The following SDK1 variants were observed in gnomAD, a reference collection of about 807,000 sequenced individuals.
SDK1 encodes protein sidekick-1.
SDK1 carries 157 observed loss-of-function variants against 245.5 expected under a neutral mutation model. The ratio of observed to expected loss-of-function variants is 0.64; its 90% CI spans 0.56 to 0.73. The LOEUF is 0.73. SDK1 is among the 30% of genes least tolerant of loss of function. The probability of loss-of-function intolerance (pLI) is 0.00; values close to 1 mark genes in which losing one functional copy is unlikely to be tolerated. For synonymous variants in SDK1, 1,647 were observed against 1,278.5 expected (o/e 1.29, Z -6.15); for missense variants, 3,583 against 3,002.3 (o/e 1.19, Z -4.52).
chr7:3,329,255 G>C (rs919494343), intron 1 of SDK1, among the ~76,000 whole-genome samples: 1 of 152,090 alleles, frequency 6.6e-6, no homozygotes, highest in African/African-American at 2.4e-5. Context: ...ACGTCCATGA[G>C]GCACTCTTTG....
intron 5 of SDK1, among the ~76,000 whole-genome samples, chr7:3,847,052 C>T (rs568532227): frequency 4.6e-5 from 7 of 151,964 alleles, no homozygotes; most frequent in African/African-American, 9.7e-5. Context: ...AGTGTAATCA[C>T]GCTTCTTTTT....
At chr7:3,564,163 AG>A (rs71552312) in intron 1 of SDK1, among the ~76,000 whole-genome samples, 17,828 of 152,076 alleles carry the variant, frequency 0.12, 1,383 homozygotes, top group African/African-American at 0.22. Flanking sequence ...AAGAACACAA[AG>A]CAAATTTCAA....
At chr7:4,018,434 G>T (rs182431404) in intron 17 of SDK1, among the ~76,000 whole-genome samples, 1 of 152,270 alleles carries the variant, frequency 6.6e-6, no homozygotes, top group East Asian at 1.9e-4. Flanking sequence ...CCTGCACAGC[G>T]ACTAGAAGAA....
At chr7:3,674,680 A>G (rs544624963) in intron 4 of SDK1, among the ~76,000 whole-genome samples, 4 of 152,310 alleles carry the variant, frequency 2.6e-5, no homozygotes, top group African/African-American at 9.6e-5. Context: ...TTTGATAACT[A>G]TAACTGGCTC....
At chr7:3,564,820 AAG>A (rs1284182164) in intron 1 of SDK1, among the ~76,000 whole-genome samples, 1 of 152,098 alleles carries the variant, frequency 6.6e-6, no homozygotes, top group Non-Finnish European at 1.5e-5. Context: ...GAAAACAGTG[AAG>A]AGAGAGATGT....
intron 14 of SDK1, among the ~76,000 whole-genome samples, chr7:4,003,905 A>G (rs1473972353): frequency 6.6e-6 from 1 of 152,206 alleles, no homozygotes; most frequent in Non-Finnish European, 1.5e-5. Flanking sequence ...TTGCTCCAAG[A>G]CAAGCTCATC....
chr7:3,932,526 T>C (rs1200391355), intron 5 of SDK1, among the ~76,000 whole-genome samples: 1 of 152,218 alleles, frequency 6.6e-6, no homozygotes, highest in Non-Finnish European at 1.5e-5. Context: ...GGACTGACTT[T>C]ATTCATTTAA....
Position 3,982,771 on chromosome 7 carries a change from C to T in SDK1, c.1995-4415C>T, listed in dbSNP as rs542035447. Among the ~76,000 whole-genome samples the T allele has an allele frequency of 7.3e-5, 11 of 151,160 alleles. No homozygotes were observed. The South Asian group carries it at 1.3e-3, about 17-fold the overall frequency. ...AGGAGAAGGGCATGAACCCAGGAGG[C>T]GGAGCTTGCAGTGAGCTGAGATCGT... On this transcript the variant is annotated intron_variant, in intron 13 of 44. Transcript: ENST00000404826.
intron 4 of SDK1, among the ~76,000 whole-genome samples, chr7:3,682,635 C>T (rs890155898): frequency 1.3e-5 from 2 of 152,196 alleles, no homozygotes; most frequent in Non-Finnish European, 1.5e-5. Context: ...TTTCTTTTTA[C>T]ATCAGCTTCA....
chr7:3,470,987 C>G (rs1033475873), intron 1 of SDK1, among the ~76,000 whole-genome samples: 1 of 152,090 alleles, frequency 6.6e-6, no homozygotes, highest in African/African-American at 2.4e-5. Context: ...TCTTTCTTTC[C>G]TCCTCCTTAT....
At chr7:4,181,326 T>C (rs1410140283) in intron 35 of SDK1, among the ~76,000 whole-genome samples, 3 of 152,244 alleles carry the variant, frequency 2.0e-5, no homozygotes, top group Admixed American at 6.5e-5. Flanking sequence ...TTACCGCATC[T>C]GGTGTGTCTG....
At chr7:3,317,312 G>A (rs1055203082) in intron 1 of SDK1, among the ~76,000 whole-genome samples, 1 of 151,660 alleles carries the variant, frequency 6.6e-6, no homozygotes, top group Non-Finnish European at 1.5e-5. Context: ...GGCAAGCAAA[G>A]GAACATGTAT....
At chr7:4,123,476 A>G (rs1390895990) in intron 25 of SDK1, among the ~76,000 whole-genome samples, 1 of 152,160 alleles carries the variant, frequency 6.6e-6, no homozygotes, top group African/African-American at 2.4e-5. Context: ...AGCTCTGTGC[A>G]GGCCCAGGGA....
chr7:3,817,657 G>A (rs1018317248), intron 4 of SDK1, among the ~76,000 whole-genome samples: 8 of 152,198 alleles, frequency 5.3e-5, no homozygotes, highest in Non-Finnish European at 1.0e-4. Flanking sequence ...ATAGCAGGGA[G>A]CTTCCCAGTC....
chr7:3,678,688 A>G (rs1054264954), intron 4 of SDK1, among the ~76,000 whole-genome samples: 3 of 152,216 alleles, frequency 2.0e-5, no homozygotes, highest in Non-Finnish European at 4.4e-5. Context: ...ATGAAGAAAA[A>G]GTTCTGGATA....
intron 35 of SDK1, among the ~76,000 whole-genome samples, chr7:4,185,869 G>C (rs372137271): frequency 6.6e-6 from 1 of 150,826 alleles, no homozygotes; most frequent in African/African-American, 2.4e-5. Flanking sequence ...GGGAGGGAGG[G>C]AGGGAGGAGG....
intron 5 of SDK1, among the ~76,000 whole-genome samples, chr7:3,934,085 C>T (rs1318789685): frequency 6.6e-6 from 1 of 152,206 alleles, no homozygotes; most frequent in East Asian, 1.9e-4. Flanking sequence ...GGTGAATTTA[C>T]CTTCTGCCTG....
chr7:4,103,724 T>C (rs1782724857), intron 22 of SDK1, among the ~76,000 whole-genome samples: 1 of 152,232 alleles, frequency 6.6e-6, no homozygotes, highest in Non-Finnish European at 1.5e-5. Context: ...CGTGAGACCC[T>C]GACCTTGCCT....
chr7:3,774,666 G>A (rs924719015), intron 4 of SDK1, among the ~76,000 whole-genome samples: 3 of 152,044 alleles, frequency 2.0e-5, no homozygotes, highest in Non-Finnish European at 4.4e-5. Flanking sequence ...ACAGACTCCT[G>A]GTTCTCTCTC....
Sources: allele counts gnomAD v4.1 joint callset (sites outside exome capture counted in the v4.1 genomes callset), GRCh38; gene constraint gnomAD v4.1.1; transcripts MANE v1.5; gene names NCBI Gene and HGNC (gene_info 2026-07-23, HGNC 2026-07-21).